The following THSD7A variants were observed in gnomAD, a reference collection of about 807,000 sequenced individuals.
THSD7A encodes the protein thrombospondin type-1 domain-containing protein 7A.
Under a neutral mutation model 231.3 loss-of-function variants are expected in THSD7A, and 96 were observed. The ratio of observed to expected loss-of-function variants is 0.41; its 90% CI spans 0.35 to 0.49. The LOEUF (loss-of-function observed/expected upper bound fraction) is 0.49. Among genes scored for constraint, THSD7A ranks in the 20% least tolerant of loss-of-function variants. The pLI, the probability that THSD7A is intolerant of heterozygous loss-of-function variation, is 0.05. For missense variants in THSD7A, 2,290 were observed against 2,070.2 expected (o/e 1.11, Z -2.06); for synonymous variants, 940 against 743.3 (o/e 1.26, Z -4.30).
intron 4 of THSD7A, among the ~76,000 whole-genome samples, chr7:11,559,186 C>A (rs1012780113): frequency 1.3e-5 from 2 of 152,268 alleles, no homozygotes; most frequent in African/African-American, 4.8e-5. Flanking sequence ...AGCAAGCACA[C>A]AGCTCCTCCC....
intron 4 of THSD7A, among the ~76,000 whole-genome samples, chr7:11,550,018 A>G (rs1789559962): frequency 6.6e-6 from 1 of 152,152 alleles, no homozygotes; most frequent in Non-Finnish European, 1.5e-5. Flanking sequence ...AATAAAAGGC[A>G]TCCAAATAGG....
At chr7:11,744,142 C>G (rs1782198387) in intron 1 of THSD7A, among the ~76,000 whole-genome samples, 1 of 151,790 alleles carries the variant, frequency 6.6e-6, no homozygotes, top group South Asian at 2.1e-4. Flanking sequence ...TGTTGGATAC[C>G]TGCATGTAAA....
chr7:11,563,897 T>A (rs527763698), intron 4 of THSD7A, among the ~76,000 whole-genome samples: 2 of 152,314 alleles, frequency 1.3e-5, no homozygotes, highest in Admixed American at 6.5e-5. Context: ...GCTGCTTGGA[T>A]AATCTCTTGA....
intron 13 of THSD7A, among the ~76,000 whole-genome samples, chr7:11,439,358 A>G (rs914139345): frequency 1.3e-5 from 2 of 151,956 alleles, no homozygotes; most frequent in African/African-American, 2.4e-5. Context: ...GAGCAAATCT[A>G]TCGGTGCCAT....
intron 2 of THSD7A, among the ~76,000 whole-genome samples, chr7:11,613,743 A>G (rs1297792476): frequency 6.6e-6 from 1 of 152,194 alleles, no homozygotes; most frequent in Non-Finnish European, 1.5e-5. Flanking sequence ...TGGGTGAACA[A>G]TTCTACGATC....
In THSD7A at chr7:11,474,277, G is replaced by T. The variant is rs569898979; in HGVS notation, c.2252+57C>A. ...ATTTCATGAAGCCAGTGAAGCCTGAGCCAATCCTCTGCACAGGTGGCTACA... is the reference window on the plus strand; with the variant it reads ...ATTTCATGAAGCCAGTGAAGCCTGATCCAATCCTCTGCACAGGTGGCTACA... On this transcript the variant is annotated intron_variant, in intron 8 of 27. Coordinates refer to ENST00000423059, the MANE Select transcript of THSD7A (RefSeq NM_015204.3). The surrounding 1 kb of genome is among the most constrained non-coding windows in gnomAD (Gnocchi z 4.1). 3 of 1,439,000 alleles carry T rather than the reference G, an allele frequency of 2.1e-6. No individual in the cohort carries two copies. Among genetic ancestry groups the T allele is most frequent in the Non-Finnish European group, 1.9e-6 (2 of 1,047,044 alleles). The allele number at this position is 1,439,000 out of a possible 1,614,324, so 89.1% of individuals were successfully genotyped here. A position where few individuals can be genotyped will look rare whatever the true frequency, so the allele number is the denominator to read the frequency against.
chr7:11,440,723 A>G (rs1442537180), intron 13 of THSD7A, among the ~76,000 whole-genome samples: 1 of 152,064 alleles, frequency 6.6e-6, no homozygotes, highest in East Asian at 1.9e-4. Context: ...TGAAGAGATG[A>G]GGAATTGCTT....
At chr7:11,389,460 T>TTTTTTTTTTTTTTTTTTTTTC (rs1782895762) in intron 23 of THSD7A, among the ~76,000 whole-genome samples, 1 of 85,202 alleles carries the variant, frequency 1.2e-5, no homozygotes, top group Non-Finnish European at 2.3e-5. Flanking sequence ...TTTTTTTTTT[T>TTTTTTTTTTTTTTTTTTTTTC]GCTATTTGCT....
At chr7:11,820,854 G>T in intron 1 of THSD7A, 1 of 946,046 alleles carries the variant, frequency 1.1e-6, no homozygotes, top group Non-Finnish European at 1.7e-6. Context: ...TAAGTTTTCT[G>T]TTTTCTCAGC....
chr7:11,706,837 G>A (rs1234055156), intron 1 of THSD7A, among the ~76,000 whole-genome samples: 1 of 150,140 alleles, frequency 6.7e-6, no homozygotes, highest in Non-Finnish European at 1.5e-5. Context: ...ATGACTTATC[G>A]GCAAATGAGT....
chr7:11,500,831 G>A (rs1562661161), intron 6 of THSD7A, among the ~76,000 whole-genome samples: 1 of 151,862 alleles, frequency 6.6e-6, no homozygotes, highest in Non-Finnish European at 1.5e-5. Flanking sequence ...AGCTACTTGG[G>A]AGGCTGAGGC....
intron 1 of THSD7A, among the ~76,000 whole-genome samples, chr7:11,756,385 G>C (rs907382876): frequency 6.6e-6 from 1 of 152,084 alleles, no homozygotes; most frequent in African/African-American, 2.4e-5. Context: ...TGAGAGTGGA[G>C]AAGAGGAGGA....
Position 11,636,206 on chromosome 7 carries a change from A to G in THSD7A, c.946T>C (p.Tyr316His), listed in dbSNP as rs778571012. Reference sequence around the variant, plus strand: ...TGATATCCAATCTGGATGTCCCAATATTTGTTCTCTTGTCTGTTCTGCCTG... The same window carrying G: ...TGATATCCAATCTGGATGTCCCAATGTTTGTTCTCTTGTCTGTTCTGCCTG... ...RNRQNRQENK[Y>H]WDIQIGYQTR... Residue 316 changes from tyrosine (Y) to histidine (H), a missense_variant, in exon 2 of 28, where the codon TAT becomes CAT. Physicochemically the swap from Tyr to His is moderately conservative, Grantham distance 83 (BLOSUM62 2). Coordinates refer to ENST00000423059, the MANE Select transcript of THSD7A (RefSeq NM_015204.3). The surrounding 1 kb of genome is among the most constrained non-coding windows in gnomAD (Gnocchi z 10.0). 3.7e-6 allele frequency: 6 copies of G among 1,613,836 alleles called. No homozygotes were observed. Among genetic ancestry groups the G allele is most frequent in the Middle Eastern group, 1.6e-4 (1 of 6,062 alleles).
At chr7:11,516,299 C>T (rs1788027709) in intron 6 of THSD7A, among the ~76,000 whole-genome samples, 1 of 152,098 alleles carries the variant, frequency 6.6e-6, no homozygotes, top group African/African-American at 2.4e-5. Flanking sequence ...TGCATTGACC[C>T]ATTTTTGAAA....
intron 1 of THSD7A, among the ~76,000 whole-genome samples, chr7:11,649,428 G>T (rs1472153403): frequency 6.6e-6 from 1 of 151,964 alleles, no homozygotes; most frequent in Admixed American, 6.6e-5. Flanking sequence ...TAAATTTTGA[G>T]GTAATATTTT....
At chr7:11,544,348 A>C (rs1324240746) in intron 4 of THSD7A, among the ~76,000 whole-genome samples, 1 of 152,138 alleles carries the variant, frequency 6.6e-6, no homozygotes, top group Non-Finnish European at 1.5e-5. Context: ...CGGAAAAAAA[A>C]AAAGTCATTT....
chr7:11,415,742 C>T (rs1783937896), intron 17 of THSD7A, among the ~76,000 whole-genome samples: 1 of 152,182 alleles, frequency 6.6e-6, no homozygotes, highest in African/African-American at 2.4e-5. Context: ...CTCCTGAACA[C>T]CTCTTCAGAA....
chr7:11,562,874 T>C (rs1439116386), intron 4 of THSD7A, among the ~76,000 whole-genome samples: 2 of 152,200 alleles, frequency 1.3e-5, no homozygotes, highest in Admixed American at 6.5e-5. Context: ...TTTTACTGTT[T>C]TGTCCTTCTG....
Position 11,411,377 on chromosome 7 carries a change from A to G in THSD7A, c.3683-55T>C. The G allele has an allele frequency of 1.6e-6, 2 of 1,227,070 alleles. No homozygotes were observed. The highest frequency in any genetic ancestry group is 2.6e-5 in the South Asian group (2 of 76,868). The allele number at this position is 1,227,070 out of a possible 1,614,324, so 76.0% of individuals were successfully genotyped here. ...AAGGCTAAGTAAGAAACAGATTTCA[A>G]ATGAAACTCTGATGACCTGAATCCC... On this transcript the variant is annotated intron_variant, in intron 18 of 27. Coordinates refer to ENST00000423059, the MANE Select transcript of THSD7A (RefSeq NM_015204.3). This position sits in a 1 kb window ranked among gnomAD's most constrained non-coding sequence, Gnocchi z 4.1.
Sources: allele counts gnomAD v4.1 joint callset (sites outside exome capture counted in the v4.1 genomes callset), GRCh38; gene constraint gnomAD v4.1.1; non-coding constraint Gnocchi (gnomAD v3.1); transcripts MANE v1.5; gene names NCBI Gene and HGNC (gene_info 2026-07-23, HGNC 2026-07-21).